Variants in DOCK3 observed in about 807,000 individuals in gnomAD.
DOCK3 encodes the protein dedicator of cytokinesis protein 3.
A neutral mutation model predicts 265.6 loss-of-function variants in DOCK3; 60 were observed. The observed-to-expected ratio is 0.23, with a 90% CI of 0.18 to 0.28. The LOEUF is 0.28. Ranked by LOEUF, DOCK3 falls within the 10% of genes least tolerant of loss-of-function variation. The probability of loss-of-function intolerance (pLI) is 1.00; values close to 1 mark genes in which losing one functional copy is unlikely to be tolerated. For synonymous variants in DOCK3, 881 were observed against 938.0 expected (o/e 0.94, Z 1.11); for missense variants, 1,981 against 2,594.3 (o/e 0.76, Z 5.14).
chr3:51,136,222 G>GC (rs1462900758), intron 9 of DOCK3, among the ~76,000 whole-genome samples: 12 of 149,734 alleles, frequency 8.0e-5, no homozygotes, highest in Non-Finnish European at 7.4e-5. Flanking sequence ...GTTTGTCGGT[G>GC]CCCCCCGCCA....
intron 27 of DOCK3, among the ~76,000 whole-genome samples, chr3:51,287,966 C>T (rs189745003): frequency 1.1e-4 from 17 of 152,320 alleles, no homozygotes; most frequent in East Asian, 1.9e-4. Context: ...TTTAAAAGAA[C>T]GAGATCATGT....
chr3:51,067,604 T>C (rs1244409646), intron 6 of DOCK3, among the ~76,000 whole-genome samples: 1 of 151,998 alleles, frequency 6.6e-6, no homozygotes. Flanking sequence ...TCTTCTCCTT[T>C]CTTCCTCCCC....
chr3:50,924,085 A>G (rs889419878), intron 4 of DOCK3, among the ~76,000 whole-genome samples: 1 of 152,170 alleles, frequency 6.6e-6, no homozygotes, highest in African/African-American at 2.4e-5. Flanking sequence ...GCTTCAATAT[A>G]ATTGAATCAT....
At chr3:51,251,137 G>A (rs2079199443) in intron 22 of DOCK3, among the ~76,000 whole-genome samples, 2 of 152,098 alleles carry the variant, frequency 1.3e-5, no homozygotes, top group African/African-American at 4.8e-5. Flanking sequence ...TTCTGTCCTT[G>A]CGATAGTTTG....
rs185115040 is a variant in DOCK3, at chr3:51,374,870, T to A, written c.5412+283T>A. 7.7e-4 allele frequency among the ~76,000 whole-genome samples: 118 copies of A among 152,328 alleles called. No homozygotes were observed. The highest frequency in any genetic ancestry group is 2.7e-3 in the African/African-American group (114 of 41,580). Reference sequence around the variant, plus strand: ...TTCCCGCCAGATCCTGGACTCGTCATCCCTAAACAGTCTAGCAAAGGTAAT... The same window carrying A: ...TTCCCGCCAGATCCTGGACTCGTCAACCCTAAACAGTCTAGCAAAGGTAAT... On this transcript the variant is annotated intron_variant, in intron 50 of 52. Transcript: ENST00000266037. The surrounding 1 kb of genome is among the most constrained non-coding windows in gnomAD (Gnocchi z 4.8).
intron 27 of DOCK3, among the ~76,000 whole-genome samples, chr3:51,285,081 C>T (rs1473611920): frequency 6.6e-6 from 1 of 152,152 alleles, no homozygotes; most frequent in East Asian, 1.9e-4. Flanking sequence ...TTGTCAGTTT[C>T]AGAGTATGGA....
At chr3:51,089,009 T>C (rs1388874614) in intron 7 of DOCK3, among the ~76,000 whole-genome samples, 1 of 152,212 alleles carries the variant, frequency 6.6e-6, no homozygotes, top group Non-Finnish European at 1.5e-5. Flanking sequence ...AGGGCTCAGG[T>C]TTGAATCTGG....
At chr3:51,333,067 A>G (rs1216063450) in intron 34 of DOCK3, 40 bp downstream of exon 34, 4 of 1,613,886 alleles carry the variant, frequency 2.5e-6, no homozygotes, top group Non-Finnish European at 8.5e-7. Context: ...CTCCAGATCC[A>G]TCACAGCCTC....
At chr3:50,785,437 T>C (rs1463849464) in intron 2 of DOCK3, among the ~76,000 whole-genome samples, 4 of 152,254 alleles carry the variant, frequency 2.6e-5, no homozygotes, top group African/African-American at 7.2e-5. Context: ...TCATTCAATA[T>C]AATGTTGGCT....
chr3:50,719,932 C>T (rs2037368238), intron 1 of DOCK3: 7 of 529,072 alleles, frequency 1.3e-5, no homozygotes, highest in South Asian at 3.8e-5. Context: ...AGCCCAAGGG[C>T]GTACCGTCCA....
chr3:51,280,115 G>A lies in DOCK3; in HGVS notation c.2833G>A (p.Val945Met). Reference sequence around the variant, plus strand: ...TTGGGTTGGTCCCTAGGGCGAGTATGTGTCCTGCCTTCTCTCACTGCTCCG... The same window carrying A: ...TTGGGTTGGTCCCTAGGGCGAGTATATGTCCTGCCTTCTCTCACTGCTCCG... ...QCTAEITGEYVSCLLSLLRQM... is the reference protein window; with the variant it reads ...QCTAEITGEYMSCLLSLLRQM... Residue 945 changes from valine (V) to methionine (M), a missense_variant, in exon 27 of 53, where the codon GTG becomes ATG. Physicochemically the swap from Val to Met is conservative, Grantham distance 21. This residue lies in a region of DOCK3 where 1,357 missense variants were observed against 1,866.8 expected (regional missense o/e 0.73). Coordinates refer to ENST00000266037, the MANE Select transcript of DOCK3 (RefSeq NM_004947.5). 6.2e-7 allele frequency: 1 copy of A among 1,613,706 alleles called. No individual in the cohort carries two copies. The highest frequency in any genetic ancestry group is 8.5e-7 in the Non-Finnish European group (1 of 1,179,782).
intron 5 of DOCK3, among the ~76,000 whole-genome samples, chr3:50,955,895 A>G (rs1363169708): frequency 6.6e-6 from 1 of 152,198 alleles, no homozygotes; most frequent in African/African-American, 2.4e-5. Context: ...GAAGATGCTT[A>G]TGTATGCCTG....
At chr3:51,177,973 G>A (rs2087051005) in intron 12 of DOCK3, among the ~76,000 whole-genome samples, 1 of 146,082 alleles carries the variant, frequency 6.8e-6, no homozygotes. Flanking sequence ...CTGAATGACA[G>A]AGAGAGACTC....
intron 35 of DOCK3, among the ~76,000 whole-genome samples, chr3:51,336,009 AAAG>A (rs2084843993): frequency 6.6e-6 from 1 of 152,004 alleles, no homozygotes; most frequent in African/African-American, 2.4e-5. Flanking sequence ...AAAAAAAAGA[AAAG>A]AAAAGAAAAA....
chr3:50,733,788 A>AG (rs2038382767), intron 1 of DOCK3, among the ~76,000 whole-genome samples: 2 of 150,134 alleles, frequency 1.3e-5, no homozygotes, highest in Non-Finnish European at 3.0e-5. Context: ...TTGTTGTTCT[A>AG]TTTTTTTTTC....
intron 12 of DOCK3, among the ~76,000 whole-genome samples, chr3:51,182,077 G>A (rs1001135937): frequency 6.6e-6 from 1 of 152,104 alleles, no homozygotes; most frequent in African/African-American, 2.4e-5. Flanking sequence ...CTGGGATAAG[G>A]GTGGATTTGC....
chr3:51,349,666 G>A (rs921024952), intron 39 of DOCK3, among the ~76,000 whole-genome samples: 5 of 152,184 alleles, frequency 3.3e-5, no homozygotes, highest in Non-Finnish European at 7.3e-5. Flanking sequence ...GTGAAGCCAG[G>A]TCAGCCACAA....
chr3:51,044,516 C>T (rs142411200), intron 5 of DOCK3, among the ~76,000 whole-genome samples: 8,499 of 150,792 alleles, frequency 0.056, 839 homozygotes, highest in African/African-American at 0.2. Context: ...ATAATCTGTA[C>T]GACAAACCTC....
intron 1 of DOCK3, among the ~76,000 whole-genome samples, chr3:50,744,802 A>G (rs1485429877): frequency 6.6e-6 from 1 of 152,126 alleles, no homozygotes; most frequent in Non-Finnish European, 1.5e-5. Context: ...GTGGATATCT[A>G]GTTTTTCTAG....
Sources: gnomAD v4.1 joint callset for allele counts (sites outside exome capture counted in the v4.1 genomes callset) on GRCh38, gnomAD v4.1.1 for gene constraint, gnomAD v4.1.1 regional missense constraint, Gnocchi (gnomAD v3.1) non-coding constraint, MANE v1.5 for transcripts, NCBI Gene and HGNC (gene_info 2026-07-23, HGNC 2026-07-21) for gene names.